FAM135B: variants seen among roughly 807,000 people sequenced by gnomAD.
The protein encoded by FAM135B is family with sequence similarity 135 member B.
A neutral mutation model predicts 127.7 loss-of-function variants in FAM135B; 43 were observed. The ratio of observed to expected loss-of-function variants is 0.34; its 90% CI spans 0.26 to 0.43. FAM135B has a LOEUF of 0.43. FAM135B is among the 20% of genes least tolerant of loss of function. The pLI, the probability that FAM135B is intolerant of heterozygous loss-of-function variation, is 1.00. For missense variants in FAM135B, 1,558 were observed against 1,725.6 expected (o/e 0.90, Z 1.72); for synonymous variants, 670 against 665.1 (o/e 1.01, Z -0.11).
In FAM135B at chr8:138,250,824, G is replaced by T. The variant is rs973112475; in HGVS notation, c.542+17C>A. ...AAGGTGGCTCCCACATATCAGGGCTGCCTCTGAACTTCATACCTGATCAAT... is the reference window on the plus strand; with the variant it reads ...AAGGTGGCTCCCACATATCAGGGCTTCCTCTGAACTTCATACCTGATCAAT... On this transcript the variant is annotated intron_variant, in intron 6 of 19. Coordinates refer to ENST00000395297, the MANE Select transcript of FAM135B (RefSeq NM_015912.4). The T allele has an allele frequency of 6.2e-7, 1 of 1,612,564 alleles. No homozygotes were observed.
chr8:138,403,891 A>G (rs1833298477), intron 1 of FAM135B, among the ~76,000 whole-genome samples: 1 of 152,210 alleles, frequency 6.6e-6, no homozygotes, highest in African/African-American at 2.4e-5. Flanking sequence ...TTAATTTTCA[A>G]TACTGGAGGG....
At chr8:138,339,371 A>G (rs1225317613) in intron 2 of FAM135B, among the ~76,000 whole-genome samples, 1 of 150,508 alleles carries the variant, frequency 6.6e-6, no homozygotes, top group East Asian at 2.0e-4. Context: ...ATATATATAT[A>G]TATATATATA....
At chr8:138,291,081 TCAAATATCTA>T (rs1486132662) in intron 3 of FAM135B, among the ~76,000 whole-genome samples, 6 of 152,298 alleles carry the variant, frequency 3.9e-5, no homozygotes, top group African/African-American at 1.4e-4. Context: ...TGAAAAATTA[TCAAATATCTA>T]CTACCAGCTC....
intron 1 of FAM135B, among the ~76,000 whole-genome samples, chr8:138,369,302 G>A (rs1830966025): frequency 6.6e-6 from 1 of 152,066 alleles, no homozygotes; most frequent in Admixed American, 6.6e-5. Context: ...TTCACACTTG[G>A]GTCTCCTTCC....
chr8:138,273,059 G>A lies in FAM135B; in HGVS notation c.158-7217C>T, dbSNP rs146917834. Among the ~76,000 whole-genome samples the A allele has an allele frequency of 1.4e-4, 21 of 152,234 alleles. No homozygotes were observed. In the East Asian group the frequency reaches 4.1e-3, roughly 29 times the overall value. ...TGGTACAAGATGTAACATATAATAGGGGCTCAGACAAATGGAGTGAATAAA... is the reference window on the plus strand; with the variant it reads ...TGGTACAAGATGTAACATATAATAGAGGCTCAGACAAATGGAGTGAATAAA... On this transcript the variant is annotated intron_variant, in intron 3 of 19. Coordinates refer to ENST00000395297, the MANE Select transcript of FAM135B (RefSeq NM_015912.4).
chr8:138,314,952 AT>A (rs1826971241), intron 2 of FAM135B, among the ~76,000 whole-genome samples: 1 of 151,360 alleles, frequency 6.6e-6, no homozygotes, highest in Admixed American at 6.6e-5. Flanking sequence ...TAAAATATGT[AT>A]GGAACCACAA....
In FAM135B at chr8:138,312,936, G is replaced by GAGCAGAGATCCATTTTAAAA. The variant is rs538366727; in HGVS notation, c.78-2017_78-2016insTTTTAAAATGGATCTCTGCT. ...ACAAAGGTGCAAAAGCAATTCAATG[G>GAGCAGAGATCCATTTTAAAA]AGCAGAGATCGCCTTTTAAAATAAG... On this transcript the variant is annotated intron_variant, in intron 2 of 19. Coordinates refer to ENST00000395297, the MANE Select transcript of FAM135B (RefSeq NM_015912.4). Among the ~76,000 whole-genome samples the GAGCAGAGATCCATTTTAAAA allele has an allele frequency of 1.8e-3, 280 of 152,306 alleles. 1 individual carries two copies. The highest frequency in any genetic ancestry group is 2.8e-3 in the Non-Finnish European group (192 of 68,036).
At chr8:138,380,033 G>A (rs1831742907) in intron 1 of FAM135B, among the ~76,000 whole-genome samples, 1 of 152,140 alleles carries the variant, frequency 6.6e-6, no homozygotes, top group South Asian at 2.1e-4. Context: ...TGTTTCAAGA[G>A]CATTTCATTT....
intron 3 of FAM135B, among the ~76,000 whole-genome samples, chr8:138,308,272 G>A (rs1219401155): frequency 6.6e-6 from 1 of 152,232 alleles, no homozygotes; most frequent in African/African-American, 2.4e-5. Context: ...GATGAGTGAA[G>A]CCATCTTGGC....
intron 1 of FAM135B, among the ~76,000 whole-genome samples, chr8:138,375,236 G>A (rs923454375): frequency 7.5e-6 from 1 of 132,610 alleles, no homozygotes; most frequent in Non-Finnish European, 1.6e-5. Flanking sequence ...TCACTTCTGA[G>A]AAGAAATATG....
chr8:138,488,980 G>C (rs1399367804), intron 1 of FAM135B, among the ~76,000 whole-genome samples: 2 of 152,046 alleles, frequency 1.3e-5, no homozygotes, highest in African/African-American at 4.8e-5. Context: ...TTGATTTTTT[G>C]AATGAGCAGT....
intron 2 of FAM135B, among the ~76,000 whole-genome samples, chr8:138,322,085 A>G (rs544998748): frequency 6.6e-6 from 1 of 152,350 alleles, no homozygotes; most frequent in Admixed American, 6.5e-5. Flanking sequence ...AAACTTGCAG[A>G]GGCTCAGTTC....
chr8:138,315,683 A>C (rs1283029572), intron 2 of FAM135B, among the ~76,000 whole-genome samples: 5 of 152,196 alleles, frequency 3.3e-5, no homozygotes, highest in Non-Finnish European at 7.3e-5. Context: ...TTAAAAAAAA[A>C]AGAAGATACT....
chr8:138,265,970 A>C, intron 3 of FAM135B, 128 bp from the exon 4 acceptor site: 2 of 904,034 alleles, frequency 2.2e-6, no homozygotes, highest in Non-Finnish European at 3.3e-6. Flanking sequence ...CAAAGCTTAA[A>C]ATCACAGTAA....
intron 2 of FAM135B, among the ~76,000 whole-genome samples, chr8:138,337,805 A>G (rs1828724515): frequency 6.6e-6 from 1 of 152,214 alleles, no homozygotes; most frequent in South Asian, 2.1e-4. Context: ...TGCCAAATCA[A>G]TCCTAAGCCA....
At chr8:138,321,912 G>T (rs576356148) in intron 2 of FAM135B, among the ~76,000 whole-genome samples, 1 of 152,272 alleles carries the variant, frequency 6.6e-6, no homozygotes, top group South Asian at 2.1e-4. Context: ...TTGCACCTCA[G>T]GAATTACAAG....
intron 1 of FAM135B, among the ~76,000 whole-genome samples, chr8:138,398,451 T>A (rs1832966062): frequency 6.6e-6 from 1 of 152,180 alleles, no homozygotes; most frequent in African/African-American, 2.4e-5. Flanking sequence ...CCTGCAGGCC[T>A]CGGGGAACCA....
At position 138,300,783 on chromosome 8, in the gene FAM135B, G is replaced by A. The variant is rs530940917; in HGVS notation, c.157+10058C>T. On this transcript the variant is annotated intron_variant, in intron 3 of 19. Coordinates refer to ENST00000395297, the MANE Select transcript of FAM135B (RefSeq NM_015912.4). ...TTTTTTTTTTTAGAGACTGAGTCTC[G>A]CTCTGTTGCCAGGCTAGAGTGCAGT... Among the ~76,000 whole-genome samples, 52 of 122,224 alleles carry A rather than the reference G, an allele frequency of 4.3e-4. 1 individual carries two copies. The South Asian group carries it at 9.3e-3, about 22-fold the overall frequency. The allele number at this position is 122,224 out of a possible 152,430, so 80.2% of individuals were successfully genotyped here.
intron 1 of FAM135B, among the ~76,000 whole-genome samples, chr8:138,389,690 A>G (rs1454673810): frequency 6.6e-6 from 1 of 152,212 alleles, no homozygotes; most frequent in African/African-American, 2.4e-5. Context: ...TCTCATGCAA[A>G]TAAGATTTCC....
Sources: allele counts gnomAD v4.1 joint callset (sites outside exome capture counted in the v4.1 genomes callset), GRCh38; gene constraint gnomAD v4.1.1; transcripts MANE v1.5; gene names NCBI Gene and HGNC (gene_info 2026-07-23, HGNC 2026-07-21).